FAT2: variants seen among roughly 807,000 people sequenced by gnomAD.
The protein encoded by FAT2 is FAT atypical cadherin 2, also known as protocadherin Fat 2.
In FAT2, 150 loss-of-function variants were observed where a neutral mutation model predicts 295.3. That is an observed-to-expected ratio of 0.51 (90% CI 0.44 to 0.58). FAT2 has a LOEUF of 0.58. Among genes scored for constraint, FAT2 ranks in the 20% least tolerant of loss-of-function variants. The pLI is 0.00. For missense variants in FAT2, 4,868 were observed against 5,442.7 expected, an observed-to-expected ratio of 0.89 and a Z score of 3.32; for synonymous variants, 2,026 against 2,150.3, an observed-to-expected ratio of 0.94 and a Z score of 1.60.
upstream of FAT2, among the ~76,000 whole-genome samples, chr5:151,593,307 C>T (rs931698761): frequency 2.0e-5 from 3 of 152,318 alleles, no homozygotes; most frequent in African/African-American, 4.8e-5. Context: ...TGTCTTCCCT[C>T]GGGGGCCAAG....
chr5:151,521,570 C>T lies in FAT2; in HGVS notation c.11023G>A (p.Glu3675Lys), dbSNP rs1753460061. Residue 3675 changes from glutamate (E) to lysine (K), a missense_variant, in exon 19 of 24, where the codon GAG becomes AAG. Around this residue, in one of 5 missense-constraint regions of FAT2, gnomAD observed 1,046 missense variants for 1,210.1 expected, o/e 0.86. Coordinates refer to ENST00000261800, the MANE Select transcript of FAT2 (RefSeq NM_001447.3). ...AGCACATCCACACCAGCCACGGCCT[C>T]TGCAGGCTGGAGGCTGGCCAAGTGA... ...NIHLASLQPA[E>K]AVAGVDVLLV... 1.2e-6 allele frequency: 2 copies of T among 1,614,194 alleles called. No individual in the cohort carries two copies. Among genetic ancestry groups the T allele is most frequent in the Non-Finnish European group, 1.7e-6 (2 of 1,179,990 alleles).
intron 13 of FAT2, among the ~76,000 whole-genome samples, chr5:151,532,970 C>T (rs1465804407): frequency 2.0e-5 from 3 of 152,158 alleles, no homozygotes; most frequent in African/African-American, 7.2e-5. Flanking sequence ...ATGAAGAAAC[C>T]ATAATTTTTC....
At chr5:151,542,029 T>A (rs1756200168) in intron 10 of FAT2, among the ~76,000 whole-genome samples, 1 of 152,228 alleles carries the variant, frequency 6.6e-6, no homozygotes, top group African/African-American at 2.4e-5. Flanking sequence ...TAATGAGACA[T>A]ACTTTTTGCA....
intron 13 of FAT2, 77 bp from the exon 14 acceptor site, chr5:151,532,047 C>CTCCTG: frequency 6.4e-7 from 1 of 1,557,786 alleles, no homozygotes; most frequent in Non-Finnish European, 8.7e-7. Flanking sequence ...CCTGCAGCCA[C>CTCCTG]AGGAGGGGCT....
At chr5:151,533,750 T>C (rs747396230) in intron 13 of FAT2, among the ~76,000 whole-genome samples, 15 of 151,870 alleles carry the variant, frequency 9.9e-5, no homozygotes, top group Admixed American at 2.0e-4. Context: ...CATACATATA[T>C]ATATGTGATA....
At chr5:151,547,806 A>G (rs941150636) in intron 9 of FAT2, among the ~76,000 whole-genome samples, 1 of 152,224 alleles carries the variant, frequency 6.6e-6, no homozygotes, top group Non-Finnish European at 1.5e-5. Flanking sequence ...TATGATCTCA[A>G]TATTACAAAA....
chr5:151,587,152 A>G (rs1022838987), intron 1 of FAT2, among the ~76,000 whole-genome samples: 7 of 141,114 alleles, frequency 5.0e-5, no homozygotes, highest in Admixed American at 2.1e-4. Context: ...AAAAAAACAA[A>G]AAACAAAACA....
At chr5:151,533,798 A>G (rs985378886) in intron 13 of FAT2, among the ~76,000 whole-genome samples, 1 of 152,100 alleles carries the variant, frequency 6.6e-6, no homozygotes, top group African/African-American at 2.4e-5. Context: ...ATATGTATGT[A>G]TACATGCAGG....
At position 151,505,094 on chromosome 5, in the gene FAT2, G is replaced by A. The variant is rs548609526; in HGVS notation, c.*471C>T. Reference sequence around the variant, plus strand: ...CTCTCAGCCCCTAGGAGGATGCCACGCAGCCCTCTAGAGCTCCTCTGTACG... The same window carrying A: ...CTCTCAGCCCCTAGGAGGATGCCACACAGCCCTCTAGAGCTCCTCTGTACG... On this transcript the variant is annotated 3_prime_UTR_variant, in exon 24 of 24. Transcript: ENST00000261800. The A allele has an allele frequency of 2.2e-4, 42 of 191,276 alleles. No individual in the cohort carries two copies. In the East Asian group the frequency reaches 6.1e-3, roughly 28 times the overall value. The allele number at this position is 191,276 out of a possible 1,614,324, so 11.8% of individuals were successfully genotyped here. A position where few individuals can be genotyped will look rare whatever the true frequency, so the allele number is the denominator to read the frequency against.
rs752587349 is a variant in FAT2 at position 151,521,392 on chromosome 5, C to A, written c.11201G>T (p.Gly3734Val). The A allele has an allele frequency of 1.9e-6, 3 of 1,614,188 alleles. No individual in the cohort carries two copies. Among genetic ancestry groups the A allele is most frequent in the Non-Finnish European group, 2.5e-6 (3 of 1,180,030 alleles). The part of the protein sequence containing the change: ...MVPCQGPTCQ[G>V]QICHNTVHLD... The stretch of plus-strand genomic sequence containing the variant: ...ATGCACTGTGTTATGGCAGATTTGA[C>A]CCTGGCAGGTTGGCCCCTGGCAGGG... The change falls in exon 19 of 24, where the codon GGT becomes GTT. Residue 3734 changes from glycine to valine, a missense_variant. Coordinates refer to ENST00000261800, the MANE Select transcript of FAT2 (RefSeq NM_001447.3).
In FAT2 at chr5:151,521,564, C is replaced by T. The variant is rs746951548; in HGVS notation, c.11029G>A (p.Val3677Met). The change falls in exon 19 of 24, where the codon GTG becomes ATG. Residue 3677 changes from valine (V) to methionine (M), a missense_variant. By Grantham distance (21) the Val-to-Met change is conservative (BLOSUM62 1). This residue lies in a region of FAT2 where 1,046 missense variants were observed against 1,210.1 expected (regional missense o/e 0.86). Transcript: ENST00000261800. ...ACCAGGAGCACATCCACACCAGCCA[C>T]GGCCTCTGCAGGCTGGAGGCTGGCC... is the stretch of plus-strand genomic sequence containing the variant. ...HLASLQPAEA[V>M]AGVDVLLVFE... The T allele has an allele frequency of 1.2e-5, 20 of 1,614,132 alleles. No individual in the cohort carries two copies. In the East Asian group the frequency reaches 2.9e-4, roughly 23 times the overall value.
intron 1 of FAT2, among the ~76,000 whole-genome samples, chr5:151,577,371 A>G (rs1581468284): frequency 6.6e-6 from 1 of 152,240 alleles, no homozygotes; most frequent in Non-Finnish European, 1.5e-5. Context: ...CATTCATTTA[A>G]TACTCACTGA....
chr5:151,573,978 T>C (rs751248565), intron 1 of FAT2, among the ~76,000 whole-genome samples: 6 of 152,138 alleles, frequency 3.9e-5, no homozygotes, highest in Non-Finnish European at 7.4e-5. Context: ...TATTTGTCCT[T>C]GGGGGAGATA....
At chr5:151,532,389 A>T (rs1754737744) in intron 13 of FAT2, among the ~76,000 whole-genome samples, 1 of 3,854 alleles carries the variant, frequency 2.6e-4, no homozygotes. Flanking sequence ...GCGTGTACAA[A>T]CACACACACA....
In FAT2 at chr5:151,518,374, A is replaced by AATTATTATTATTATTATTATTATT. The variant is rs1554124017; in HGVS notation, c.11318-610_11318-609insAATAATAATAATAATAATAATAAT. On this transcript the variant is annotated intron_variant, in intron 19 of 23. Transcript: ENST00000261800. ...TAATAATAATAATAATAATAATAAT[A>AATTATTATTATTATTATTATTATT]ATTTTTAAAAGAAAGTAAAAATCAG... Among the ~76,000 whole-genome samples, 4 of 147,396 alleles carry AATTATTATTATTATTATTATTATT rather than the reference A, an allele frequency of 2.7e-5. No homozygotes were observed. In the South Asian group the frequency reaches 8.6e-4, roughly 32 times the overall value.
chr5:151,546,364 T>C lies in FAT2; in HGVS notation c.4790-27A>G, dbSNP rs1418045219. 6.4e-6 allele frequency: 10 copies of C among 1,571,774 alleles called. No homozygotes were observed. The South Asian group carries it at 1.0e-4, about 16-fold the overall frequency. On this transcript the variant is annotated intron_variant, in intron 9 of 23. Coordinates refer to ENST00000261800, the MANE Select transcript of FAT2 (RefSeq NM_001447.3). ...TGAAACAGAAGACAAGACAAACAAG[T>C]TTGCCACACCCTCGACAGGTATCAG...
intron 1 of FAT2, among the ~76,000 whole-genome samples, chr5:151,574,585 A>G (rs970910249): frequency 1.3e-5 from 2 of 152,222 alleles, no homozygotes; most frequent in Admixed American, 6.5e-5. Context: ...ATGGTTTTTG[A>G]GAAGAAGCAG....
chr5:151,534,493 G>C lies in FAT2; in HGVS notation c.9343C>G (p.Pro3115Ala). ...AAGACAGCCACAGCACAGTGGCTGG[G>C]GAAGAACCGCGGGGCATTGTCATTC... ...DVNDNAPRFF[P>A]SHCAVAVFDN... Residue 3115 changes from proline to alanine, a missense_variant, in exon 13 of 24, where the codon CCC becomes GCC. Physicochemically the swap from Pro to Ala is conservative, Grantham distance 27. Coordinates refer to ENST00000261800, the MANE Select transcript of FAT2 (RefSeq NM_001447.3). 1 of 1,614,056 alleles carries C rather than the reference G, an allele frequency of 6.2e-7. No individual in the cohort carries two copies. The highest frequency in any genetic ancestry group is 8.5e-7 in the Non-Finnish European group (1 of 1,180,020).
At chr5:151,585,851 C>T (rs1488010747) in intron 1 of FAT2, among the ~76,000 whole-genome samples, 1 of 152,170 alleles carries the variant, frequency 6.6e-6, no homozygotes, top group Non-Finnish European at 1.5e-5. Flanking sequence ...TTAGAGAGCT[C>T]TTAGCTTGTG....
Sources: gnomAD v4.1 joint callset for allele counts (sites outside exome capture counted in the v4.1 genomes callset) on GRCh38, gnomAD v4.1.1 for gene constraint, gnomAD v4.1.1 regional missense constraint, MANE v1.5 for transcripts, NCBI Gene and HGNC (gene_info 2026-07-23, HGNC 2026-07-21) for gene names.